Variants in NME7 observed in about 807,000 individuals in gnomAD.
NME7 encodes the protein NME/NM23 family member 7.
Under a neutral mutation model 49.1 loss-of-function variants are expected in NME7, and 41 were observed. That is an observed-to-expected ratio of 0.83 (90% confidence interval 0.65 to 1.08). The LOEUF (loss-of-function observed/expected upper bound fraction) is 1.08. Ranked by LOEUF, NME7 falls within the 50% of genes least tolerant of loss-of-function variation. NME7 has a pLI of 0.00. For synonymous variants in NME7, 139 were observed against 150.6 expected (o/e 0.92, Z 0.56); for missense variants, 423 against 463.4 (o/e 0.91, Z 0.80).
At chr1:169,277,172 G>T (rs550277769) in intron 7 of NME7, among the ~76,000 whole-genome samples, 2 of 149,882 alleles carry the variant, frequency 1.3e-5, no homozygotes, top group Non-Finnish European at 3.0e-5. Flanking sequence ...TGTTGATTTG[G>T]GGTGGAGAGT....
intron 1 of NME7, among the ~76,000 whole-genome samples, chr1:169,328,002 C>G (rs1369706807): frequency 1.3e-5 from 2 of 152,138 alleles, no homozygotes; most frequent in Non-Finnish European, 2.9e-5. Context: ...CCTGATGATA[C>G]TATGATCATC....
chr1:169,275,971 T>C (rs1424944011), intron 7 of NME7, among the ~76,000 whole-genome samples: 2 of 132,804 alleles, frequency 1.5e-5, no homozygotes, highest in African/African-American at 5.1e-5. Flanking sequence ...TGGTTCTGTT[T>C]ATATGCTGGA....
chr1:169,344,949 T>C (rs1397252170), intron 1 of NME7, among the ~76,000 whole-genome samples: 3 of 152,218 alleles, frequency 2.0e-5, no homozygotes, highest in Non-Finnish European at 4.4e-5. Flanking sequence ...ATAGAATTCA[T>C]GAGAGTAGTC....
chr1:169,199,490 TTA>T (rs1491295053), intron 10 of NME7, among the ~76,000 whole-genome samples: 4 of 142,304 alleles, frequency 2.8e-5, no homozygotes, highest in Non-Finnish European at 6.2e-5. Context: ...ATTATTATTA[TTA>T]TTTTTAAATT....
intron 10 of NME7, among the ~76,000 whole-genome samples, chr1:169,195,573 A>G (rs956764849): frequency 1.3e-5 from 2 of 152,180 alleles, no homozygotes; most frequent in Non-Finnish European, 2.9e-5. Context: ...TTCTCCAACT[A>G]TAAGATGAAC....
intron 5 of NME7, among the ~76,000 whole-genome samples, chr1:169,300,301 T>C (rs1346656918): frequency 6.6e-6 from 1 of 152,274 alleles, no homozygotes; most frequent in East Asian, 1.9e-4. Flanking sequence ...TGTATATAGC[T>C]ATTCTAAGAA....
chr1:169,352,532 T>C (rs1416920003), intron 1 of NME7, among the ~76,000 whole-genome samples: 1 of 152,108 alleles, frequency 6.6e-6, no homozygotes, highest in Non-Finnish European at 1.5e-5. Flanking sequence ...GACAAGGTTA[T>C]ACACTTTCAC....
chr1:169,149,388 A>C (rs1031084300), intron 11 of NME7, among the ~76,000 whole-genome samples: 15 of 152,114 alleles, frequency 9.9e-5, no homozygotes, highest in African/African-American at 3.6e-4. Flanking sequence ...AAGAGAAGTT[A>C]ATATTTTAGT....
intron 1 of NME7, among the ~76,000 whole-genome samples, chr1:169,352,911 T>G (rs1346543347): frequency 6.6e-6 from 1 of 151,878 alleles, no homozygotes; most frequent in Non-Finnish European, 1.5e-5. Context: ...AAAAAGCCAC[T>G]AAAAAATTGA....
intron 1 of NME7, among the ~76,000 whole-genome samples, chr1:169,339,892 T>C (rs1166506233): frequency 6.6e-6 from 1 of 152,190 alleles, no homozygotes; most frequent in East Asian, 1.9e-4. Flanking sequence ...CAGATCACAT[T>C]GGTTAAGTTT....
At chr1:169,287,068 A>G (rs1290010899) in intron 7 of NME7, 2 of 439,964 alleles carry the variant, frequency 4.5e-6, no homozygotes, top group Non-Finnish European at 8.0e-6. Flanking sequence ...AGTATGACTG[A>G]GCCTGAGCAT....
chr1:169,210,476 C>T (rs549638957), intron 10 of NME7, among the ~76,000 whole-genome samples: 1 of 152,034 alleles, frequency 6.6e-6, no homozygotes, highest in Non-Finnish European at 1.5e-5. Flanking sequence ...GTTGGTGCCC[C>T]GTGGGGGTTG....
chr1:169,301,291 A>G (rs748028799), intron 5 of NME7, among the ~76,000 whole-genome samples: 12 of 152,188 alleles, frequency 7.9e-5, no homozygotes, highest in Admixed American at 4.6e-4. Context: ...TCTCAAAAGA[A>G]CATACAAGCA....
Position 169,268,037 on chromosome 1 carries a change from G to A in NME7, c.754+19266C>T, listed in dbSNP as rs566098214. ...GAGAGAAAATATTTGCTAACTATAC[G>A]TCTGACAGAGGTCTAACATCCAGAA... On this transcript the variant is annotated intron_variant, in intron 7 of 11. Transcript: ENST00000367811. 6.0e-5 allele frequency among the ~76,000 whole-genome samples: 8 copies of A among 132,830 alleles called. 1 individual carries two copies. In the East Asian group the frequency reaches 8.0e-4, roughly 13 times the overall value. The allele number at this position is 132,830 out of a possible 152,430, so 87.1% of individuals were successfully genotyped here.
At chr1:169,211,968 T>TA (rs1187217748) in intron 10 of NME7, among the ~76,000 whole-genome samples, 2 of 152,150 alleles carry the variant, frequency 1.3e-5, no homozygotes, top group African/African-American at 4.8e-5. Context: ...GTTACTCTCT[T>TA]ACTAGGTTGC....
chr1:169,208,382 G>A (rs928157287), intron 10 of NME7, among the ~76,000 whole-genome samples: 1 of 152,074 alleles, frequency 6.6e-6, no homozygotes. Flanking sequence ...TTGGCTGACT[G>A]AATAAATGAA....
At chr1:169,206,609 T>C (rs750027785) in intron 10 of NME7, among the ~76,000 whole-genome samples, 6 of 152,150 alleles carry the variant, frequency 3.9e-5, no homozygotes, top group Non-Finnish European at 7.4e-5. Flanking sequence ...ATGGAGCCTA[T>C]GAACCCTTCT....
intron 10 of NME7, among the ~76,000 whole-genome samples, chr1:169,189,554 G>T (rs1660159845): frequency 6.6e-6 from 1 of 152,046 alleles, no homozygotes; most frequent in Non-Finnish European, 1.5e-5. Flanking sequence ...CAACAAATTA[G>T]CATACTATCA....
chr1:169,227,637 T>C (rs751856311), intron 10 of NME7, among the ~76,000 whole-genome samples: 1 of 152,092 alleles, frequency 6.6e-6, no homozygotes, highest in East Asian at 1.9e-4. Context: ...AGAGTGTGCA[T>C]GTCAGCTCAG....
Sources: gnomAD v4.1 joint callset for allele counts (sites outside exome capture counted in the v4.1 genomes callset) on GRCh38, gnomAD v4.1.1 for gene constraint, MANE v1.5 for transcripts, NCBI Gene and HGNC (gene_info 2026-07-23, HGNC 2026-07-21) for gene names.